NFAM1: variants seen among roughly 807,000 people sequenced by gnomAD.
NFAM1 encodes the protein NFAT activating protein with ITAM motif 1.
In NFAM1, 17 loss-of-function variants were observed where a neutral mutation model predicts 29.0. That is an observed-to-expected ratio of 0.59 (90% CI 0.40 to 0.88). The LOEUF (loss-of-function observed/expected upper bound fraction) is 0.88. NFAM1 is among the 40% of genes least tolerant of loss of function. The probability of loss-of-function intolerance (pLI) is 0.00; values close to 1 mark genes in which losing one functional copy is unlikely to be tolerated. For synonymous variants in NFAM1, 175 were observed against 147.2 expected, an observed-to-expected ratio of 1.19 and a Z score of -1.36; for missense variants, 324 against 344.6, an observed-to-expected ratio of 0.94 and a Z score of 0.47.
Position 42,411,475 on chromosome 22 carries a change from G to A in NFAM1, c.383C>T (p.Thr128Ile), listed in dbSNP as rs146782976. 3 of 1,614,076 alleles carry A rather than the reference G, an allele frequency of 1.9e-6. No individual in the cohort carries two copies. Among genetic ancestry groups the A allele is most frequent in the Admixed American group, 1.7e-5 (1 of 59,990 alleles). Residue 128 changes from threonine to isoleucine, a missense_variant, in exon 2 of 6, where the codon ACC becomes ATC. Physicochemically the swap from Thr to Ile is moderately conservative, Grantham distance 89. Transcript: ENST00000329021. ...LVLPGASATG[T>I]YYCSVHWPHS... is the part of the protein sequence containing the mutation. ...TGGCCAGTGGACAGAGCAGTAGTAG[G>A]TGCCAGTGGCCGATGCTCCCGGCAG... is the stretch of plus-strand genomic sequence containing the variant.
At chr22:42,426,374 C>T (rs1168616477) in intron 1 of NFAM1, among the ~76,000 whole-genome samples, 1 of 152,194 alleles carries the variant, frequency 6.6e-6, no homozygotes, top group African/African-American at 2.4e-5. Context: ...GGAGCAGAAA[C>T]AGCCAGGGTC....
upstream of NFAM1, among the ~76,000 whole-genome samples, chr22:42,434,593 G>A (rs983844383): frequency 6.6e-6 from 1 of 152,206 alleles, no homozygotes; most frequent in African/African-American, 2.4e-5. Flanking sequence ...GATCCTCCTC[G>A]GGAGCCAGGG....
At chr22:42,420,916 T>C (rs973651128) in intron 1 of NFAM1, among the ~76,000 whole-genome samples, 33 of 152,120 alleles carry the variant, frequency 2.2e-4, no homozygotes, top group African/African-American at 7.2e-4. Context: ...CAGCAATAGG[T>C]AGGGGCCTGG....
chr22:42,387,138 C>CAT, intron 4 of NFAM1, 60 bp from the exon 5 acceptor site: 1 of 982,328 alleles, frequency 1.0e-6, no homozygotes, highest in Non-Finnish European at 1.5e-6. Flanking sequence ...TCCCTGGCCC[C>CAT]AGCAGCCAGC....
rs1020090168 is a variant in NFAM1 at position 42,397,893 on chromosome 22, T to C, written c.628A>G (p.Ser210Gly). Residue 210 changes from serine (S) to glycine (G), a missense_variant, in exon 4 of 6, where the codon AGC becomes GGC. Ser to Gly is a moderately conservative substitution (Grantham distance 56). Coordinates refer to ENST00000329021, the MANE Select transcript of NFAM1 (RefSeq NM_145912.8). ...GATTCTGAAGGATGCTGCTTGGGGC[T>C]GCTGGCAGATCTTGGATCTGGGCAC... ...RKCPDPRSASSPKQHPSESVY... is the reference protein window; with the variant it reads ...RKCPDPRSASGPKQHPSESVY... The C allele has an allele frequency of 6.2e-7, 1 of 1,613,318 alleles. No homozygotes were observed. The highest frequency in any genetic ancestry group is 2.2e-5 in the East Asian group (1 of 44,858).
In NFAM1 at chr22:42,387,019, TG is replaced by T. The variant is rs1569224655; in HGVS notation, c.722del (p.Ser241TyrfsTer55). 6.3e-7 allele frequency: 1 copy of T among 1,581,532 alleles called. No individual in the cohort carries two copies. On this transcript the variant is annotated frameshift_variant, in exon 5 of 6. Transcript: ENST00000329021. LOFTEE classifies it low-confidence loss of function (END_TRUNC). Reference sequence around the variant, plus strand: ...AGAGGGGGCTCTGCTTGGCGGTGGGTGAGCTGCCATCCTCATTCTCGATGCA... The same window carrying T: ...AGAGGGGGCTCTGCTTGGCGGTGGGTAGCTGCCATCCTCATTCTCGATGCA... The part of the protein sequence containing the change: ...YACIENEDGS[S>X]PTAKQSPLSQ...
the NFAM1 span, among the ~76,000 whole-genome samples, chr22:42,437,522 G>A: frequency 6.6e-6 from 1 of 152,132 alleles, no homozygotes; most frequent in Non-Finnish European, 1.5e-5. Flanking sequence ...CCATGTCCCT[G>A]AAAGAGACGA....
chr22:42,433,710 CAGG>C (rs1211117159), upstream of NFAM1, among the ~76,000 whole-genome samples: 3 of 152,132 alleles, frequency 2.0e-5, no homozygotes, highest in African/African-American at 4.8e-5. Context: ...GACATATGAA[CAGG>C]AGAAGTTTCC....
At chr22:42,396,593 T>C (rs1202729851) in intron 4 of NFAM1, among the ~76,000 whole-genome samples, 1 of 152,024 alleles carries the variant, frequency 6.6e-6, no homozygotes, top group East Asian at 1.9e-4. Context: ...CCAGAATCCC[T>C]GGTAGGGAAA....
chr22:42,401,013 G>C (rs1012596300), intron 3 of NFAM1, among the ~76,000 whole-genome samples: 2 of 152,138 alleles, frequency 1.3e-5, no homozygotes, highest in African/African-American at 4.8e-5. Flanking sequence ...CCTACGCGCT[G>C]GGCCTGGGCT....
At chr22:42,416,155 G>A (rs866789891) in intron 1 of NFAM1, among the ~76,000 whole-genome samples, 13 of 152,202 alleles carry the variant, frequency 8.5e-5, no homozygotes, top group African/African-American at 2.7e-4. Flanking sequence ...GATCCTAGGC[G>A]GCAACTATTG....
intron 1 of NFAM1, among the ~76,000 whole-genome samples, chr22:42,426,346 C>G (rs2146556302): frequency 6.6e-6 from 1 of 152,322 alleles, no homozygotes; most frequent in Non-Finnish European, 1.5e-5. Context: ...ACCTCAGCAC[C>G]TGCAATGGGG....
chr22:42,398,381 A>ATTTATT (rs1569227966), intron 3 of NFAM1, among the ~76,000 whole-genome samples: 4 of 111,162 alleles, frequency 3.6e-5, no homozygotes, highest in East Asian at 6.2e-4. Flanking sequence ...CCTTGGTTTT[A>ATTTATT]TTTATTATTA....
chr22:42,387,082 C>T lies in NFAM1; in HGVS notation c.664-4G>A. 2.6e-6 allele frequency: 4 copies of T among 1,561,616 alleles called. No homozygotes were observed. Among genetic ancestry groups the T allele is most frequent in the Non-Finnish European group, 3.5e-6 (4 of 1,148,760 alleles). ...CGGTCTCGCGGCGCTGCAGAGCCTA[C>T]AGGAAACGGGGTGCCAGGATCAGGG... On this transcript the variant is annotated splice_region_variant and splice_polypyrimidine_tract_variant and intron_variant, in intron 4 of 5. Coordinates refer to ENST00000329021, the MANE Select transcript of NFAM1 (RefSeq NM_145912.8).
At chr22:42,400,746 T>C (rs1929698619) in intron 3 of NFAM1, among the ~76,000 whole-genome samples, 1 of 152,264 alleles carries the variant, frequency 6.6e-6, no homozygotes, top group Admixed American at 6.5e-5. Context: ...CACCTGCTTC[T>C]TGAGGGCACC....
chr22:42,424,924 T>TATTTATTG (rs1930575947), intron 1 of NFAM1, among the ~76,000 whole-genome samples: 1 of 151,774 alleles, frequency 6.6e-6, no homozygotes, highest in South Asian at 2.1e-4. Flanking sequence ...TTTATTTATT[T>TATTTATTG]ATTTATTTAT....
Position 42,381,163 on chromosome 22 carries a change from G to T in NFAM1, c.*3998C>A, listed in dbSNP as rs1385151781. ...GCACCAGACTTCCCTGGTCCCACAG[G>T]ACAGCCAGTGGCCTCCTAGCTTAGT... is the stretch of plus-strand genomic sequence containing the variant. On this transcript the variant is annotated 3_prime_UTR_variant, in exon 6 of 6. Transcript: ENST00000329021. 6.5e-6 allele frequency: 1 copy of T among 152,696 alleles called. No individual in the cohort carries two copies. The highest frequency in any genetic ancestry group is 1.5e-5 in the Non-Finnish European group (1 of 68,058). 9.5% of individuals were successfully genotyped at this position (152,696 alleles called of 1,614,324 possible).
In NFAM1 at chr22:42,381,224, G is replaced by C. The variant is rs1328163893; in HGVS notation, c.*3937C>G. 1 of 152,876 alleles carries C rather than the reference G, an allele frequency of 6.5e-6. No individual in the cohort carries two copies. Among genetic ancestry groups the C allele is most frequent in the African/African-American group, 2.4e-5 (1 of 41,462 alleles). The allele number at this position is 152,876 out of a possible 1,614,324, so 9.5% of individuals were successfully genotyped here. On this transcript the variant is annotated 3_prime_UTR_variant, in exon 6 of 6. Coordinates refer to ENST00000329021, the MANE Select transcript of NFAM1 (RefSeq NM_145912.8). ...CGCCTGCAAGCACACGTGGCAAGGA[G>C]GGCTTCAGCAGGCTCGCAGAACCGA...
chr22:42,425,747 C>T (rs1396333367), intron 1 of NFAM1, among the ~76,000 whole-genome samples: 1 of 152,232 alleles, frequency 6.6e-6, no homozygotes, highest in Non-Finnish European at 1.5e-5. Context: ...AGCCCGCGTA[C>T]TCTCTCTGCA....
Sources: gnomAD v4.1 joint callset for allele counts (sites outside exome capture counted in the v4.1 genomes callset) on GRCh38, gnomAD v4.1.1 for gene constraint, MANE v1.5 for transcripts, NCBI Gene and HGNC (gene_info 2026-07-23, HGNC 2026-07-21) for gene names.